The following C17orf113 variants were observed in gnomAD, a reference collection of about 807,000 sequenced individuals.
C17orf113 encodes chromosome 17 open reading frame 113.
In C17orf113, 5 loss-of-function variants were observed where a neutral mutation model predicts 11.6. That is an observed-to-expected ratio of 0.43 (90% CI 0.23 to 0.91). C17orf113 has a LOEUF of 0.91. Among genes scored for constraint, C17orf113 ranks in the 40% least tolerant of loss-of-function variants. C17orf113 has a pLI of 0.26. For missense variants in C17orf113, 714 were observed against 841.3 expected (o/e 0.85, Z 1.87); for synonymous variants, 327 against 390.6 (o/e 0.84, Z 1.92).
At chr17:42,047,029 ATTTTTT>A (rs60694132) in intron 1 of C17orf113, among the ~76,000 whole-genome samples, 5 of 116,578 alleles carry the variant, frequency 4.3e-5, no homozygotes, top group Admixed American at 8.8e-5. Context: ...TGCCCGGCTA[ATTTTTT>A]TTTTTTTTTT....
Position 42,039,530 on chromosome 17 carries a change from C to T in C17orf113, c.*175G>A. Reference sequence around the variant, plus strand: ...CCTCTTGAGCCAGTCCCTTCCTCCACAGCCCACAGGGTGGGGGGGGTTGGT... The same window carrying T: ...CCTCTTGAGCCAGTCCCTTCCTCCATAGCCCACAGGGTGGGGGGGGTTGGT... On this transcript the variant is annotated 3_prime_UTR_variant, in exon 3 of 3. Transcript: ENST00000587304. 1 of 402,520 alleles carries T rather than the reference C, an allele frequency of 2.5e-6. No individual in the cohort carries two copies. The highest frequency in any genetic ancestry group is 3.5e-6 in the Non-Finnish European group (1 of 285,466). The allele number at this position is 402,520 out of a possible 1,614,324, so 24.9% of individuals were successfully genotyped here.
In C17orf113 at chr17:42,042,759, T is replaced by A. The variant is rs1256968474; in HGVS notation, c.543+75A>T. ...CTAGCTGCTCCCCAAGGAGCTGGCA[T>A]GCTGGGGCTGTTCCCAGGTGGCTCA... On this transcript the variant is annotated intron_variant, in intron 2 of 2. Coordinates refer to ENST00000587304, the MANE Select transcript of C17orf113 (RefSeq NM_001358661.2). 6 of 1,122,022 alleles carry A rather than the reference T, an allele frequency of 5.3e-6. No homozygotes were observed. In the African/African-American group the frequency reaches 9.6e-5, roughly 18 times the overall value. The allele number at this position is 1,122,022 out of a possible 1,614,324, so 69.5% of individuals were successfully genotyped here. A position where few individuals can be genotyped will look rare whatever the true frequency, so the allele number is the denominator to read the frequency against.
intron 1 of C17orf113, among the ~76,000 whole-genome samples, chr17:42,045,335 G>A (rs372588540): frequency 6.6e-5 from 10 of 152,256 alleles, no homozygotes; most frequent in East Asian, 1.9e-4. Flanking sequence ...ACAGGCGTGC[G>A]CCACCGCGCC....
intron 1 of C17orf113, among the ~76,000 whole-genome samples, chr17:42,047,663 T>G (rs2053195213): frequency 6.6e-6 from 1 of 151,980 alleles, no homozygotes; most frequent in Non-Finnish European, 1.5e-5. Context: ...TTGGGACTTT[T>G]TTTTTTTCGA....
In C17orf113 at chr17:42,042,875, G is replaced by A; in HGVS notation, c.502C>T (p.His168Tyr). The A allele has an allele frequency of 8.1e-7, 1 of 1,232,292 alleles. No individual in the cohort carries two copies. Among genetic ancestry groups the A allele is most frequent in the South Asian group, 4.1e-5 (1 of 24,324 alleles). The allele number at this position is 1,232,292 out of a possible 1,614,324, so 76.3% of individuals were successfully genotyped here. A position where few individuals can be genotyped will look rare whatever the true frequency, so the allele number is the denominator to read the frequency against. Residue 168 changes from histidine (H) to tyrosine (Y), a missense_variant, in exon 2 of 3, where the codon CAT becomes TAT. Physicochemically the swap from His to Tyr is moderately conservative, Grantham distance 83. Around this residue, in one of 3 missense-constraint regions of C17orf113, gnomAD observed 516 missense variants for 626.6 expected, o/e 0.82. Transcript: ENST00000587304. ...CTCCTGGGACTGTAGTAATCGCCAT[G>A]CTCTGTGCCCAGCAGTGCCTGGCAC... ...NLCQALLGTE[H>Y]GDYYSPRRVR...
intron 1 of C17orf113, among the ~76,000 whole-genome samples, chr17:42,044,194 C>T (rs1160324986): frequency 6.8e-6 from 1 of 147,202 alleles, no homozygotes; most frequent in East Asian, 2.0e-4. Flanking sequence ...ATGTCTAGTC[C>T]CAGCTACTGG....
At chr17:42,042,535 A>G (rs1377836699) in intron 2 of C17orf113, among the ~76,000 whole-genome samples, 2 of 151,968 alleles carry the variant, frequency 1.3e-5, no homozygotes, top group Non-Finnish European at 2.9e-5. Flanking sequence ...AAAAAAAAAA[A>G]TTAAATACAT....
In C17orf113 at chr17:42,040,420, G is replaced by A. The variant is rs2052989480; in HGVS notation, c.1313C>T (p.Ser438Phe). The A allele has an allele frequency of 5.7e-6, 7 of 1,232,108 alleles. No homozygotes were observed. The highest frequency in any genetic ancestry group is 7.1e-6 in the Non-Finnish European group (7 of 987,986). The allele number at this position is 1,232,108 out of a possible 1,614,324, so 76.3% of individuals were successfully genotyped here. ...ACCTGAGCCGCGCTGAGCTTGGAGG[G>A]AGGCCGCAGCCGCCATCACCAGAGG... ...LQPLVMAAAA[S>F]LQAQRGSGGA... The change falls in exon 3 of 3, where the codon TCC becomes TTC. Residue 438 changes from serine to phenylalanine, a missense_variant. Transcript: ENST00000587304.
rs1216510592 is a variant in C17orf113 at position 42,041,185 on chromosome 17, G to T, written c.548C>A (p.Ala183Asp). 1 of 1,232,510 alleles carries T rather than the reference G, an allele frequency of 8.1e-7. No homozygotes were observed. The highest frequency in any genetic ancestry group is 3.2e-5 in the East Asian group (1 of 31,710). 76.3% of individuals were successfully genotyped at this position (1,232,510 alleles called of 1,614,324 possible). A position where few individuals can be genotyped will look rare whatever the true frequency, so the allele number is the denominator to read the frequency against. Residue 183 changes from alanine (A) to aspartate (D), a missense_variant, in exon 3 of 3, where the codon GCC becomes GAC. Physicochemically the swap from Ala to Asp is moderately radical, Grantham distance 126 (BLOSUM62 -2). Around this residue, in one of 3 missense-constraint regions of C17orf113, gnomAD observed 516 missense variants for 626.6 expected, o/e 0.82. Coordinates refer to ENST00000587304, the MANE Select transcript of C17orf113 (RefSeq NM_001358661.2). ...SPRRVRDMQV[A>D]IASVLHTEAC... ...CTCTGTGTGCAAGACACTGGCAATG[G>T]CCACCTGGGACAGCCAGGGAAAGAA...
chr17:42,039,840 G>A lies in C17orf113; in HGVS notation c.1893C>T (p.Ala631=), dbSNP rs1376598288. 8.1e-7 allele frequency: 1 copy of A among 1,231,806 alleles called. No homozygotes were observed. The highest frequency in any genetic ancestry group is 1.0e-6 in the Non-Finnish European group (1 of 987,958). 76.3% of individuals were successfully genotyped at this position (1,231,806 alleles called of 1,614,324 possible). A position where few individuals can be genotyped will look rare whatever the true frequency, so the allele number is the denominator to read the frequency against. Residue 631 remains alanine, a synonymous_variant, in exon 3 of 3, where the codon GCC becomes GCT. Coordinates refer to ENST00000587304, the MANE Select transcript of C17orf113 (RefSeq NM_001358661.2). ...CCATGTGGCCCCCCCGGCCTTCCCCGGCCCCACTCTGCCCCCACCACCGCA... is the reference window on the plus strand; with the variant it reads ...CCATGTGGCCCCCCCGGCCTTCCCCAGCCCCACTCTGCCCCCACCACCGCA... ...RELRWWGQSG[A]GEGRGGHMVK...
In C17orf113 at chr17:42,040,793, C is replaced by T; in HGVS notation, c.940G>A (p.Glu314Lys). 6 of 1,232,348 alleles carry T rather than the reference C, an allele frequency of 4.9e-6. No homozygotes were observed. Among genetic ancestry groups the T allele is most frequent in the Non-Finnish European group, 6.1e-6 (6 of 988,076 alleles). The allele number at this position is 1,232,348 out of a possible 1,614,324, so 76.3% of individuals were successfully genotyped here. A position where few individuals can be genotyped will look rare whatever the true frequency, so the allele number is the denominator to read the frequency against. The change falls in exon 3 of 3, where the codon GAG becomes AAG. Residue 314 changes from glutamate to lysine, a missense_variant. Physicochemically the swap from Glu to Lys is moderately conservative, Grantham distance 56. Coordinates refer to ENST00000587304, the MANE Select transcript of C17orf113 (RefSeq NM_001358661.2). ...CGGAATAGGGCATCCAATATGCTCT[C>T]ATATTGACCCAAGTAGGCCGGGGGC... Reference protein sequence around the residue: ...PEPPAYLGQYESILDALFRLH... With the variant: ...PEPPAYLGQYKSILDALFRLH...
At chr17:42,048,887 A>G (rs2053226113) in intron 1 of C17orf113, among the ~76,000 whole-genome samples, 1 of 151,492 alleles carries the variant, frequency 6.6e-6, no homozygotes, top group Non-Finnish European at 1.5e-5. Context: ...CACTTTAGTG[A>G]GCCGAGATCA....
chr17:42,045,476 C>A (rs549199091), intron 1 of C17orf113, among the ~76,000 whole-genome samples: 3 of 152,202 alleles, frequency 2.0e-5, no homozygotes, highest in East Asian at 1.9e-4. Context: ...AGGGTCAGAC[C>A]CAGATGACTC....
chr17:42,046,824 CTT>C (rs1246915125), intron 1 of C17orf113, among the ~76,000 whole-genome samples: 1 of 149,744 alleles, frequency 6.7e-6, no homozygotes, highest in Non-Finnish European at 1.5e-5. Context: ...TGAAAGAACT[CTT>C]GTTTCTGAGA....
At chr17:42,049,326 G>T (rs2053236833) in intron 1 of C17orf113, among the ~76,000 whole-genome samples, 1 of 152,094 alleles carries the variant, frequency 6.6e-6, no homozygotes, top group Non-Finnish European at 1.5e-5. Flanking sequence ...ACAAATCTCT[G>T]CTTCTATCTG....
Position 42,043,087 on chromosome 17 carries a change from G to T in C17orf113, c.290C>A (p.Pro97His), listed in dbSNP as rs1382348268. The T allele has an allele frequency of 8.1e-7, 1 of 1,232,244 alleles. No homozygotes were observed. Among genetic ancestry groups the T allele is most frequent in the South Asian group, 4.1e-5 (1 of 24,326 alleles). 76.3% of individuals were successfully genotyped at this position (1,232,244 alleles called of 1,614,324 possible). A position where few individuals can be genotyped will look rare whatever the true frequency, so the allele number is the denominator to read the frequency against. Reference protein sequence around the residue: ...QALAVNQGQPPFEGQAEGGGA... With the variant: ...QALAVNQGQPHFEGQAEGGGA... Reference sequence around the variant, plus strand: ...TCCACCTTCAGCCTGGCCCTCAAAAGGGGGCTGGCCCTGGTTGACAGCCAG... The same window carrying T: ...TCCACCTTCAGCCTGGCCCTCAAAATGGGGCTGGCCCTGGTTGACAGCCAG... The change falls in exon 2 of 3, where the codon CCT (proline) becomes CAT (histidine). Residue 97 changes from proline (P) to histidine (H), a missense_variant. Coordinates refer to ENST00000587304, the MANE Select transcript of C17orf113 (RefSeq NM_001358661.2).
chr17:42,042,145 G>A (rs782803535), intron 2 of C17orf113, among the ~76,000 whole-genome samples: 2 of 152,096 alleles, frequency 1.3e-5, no homozygotes, highest in African/African-American at 4.8e-5. Context: ...GCCAAGGCAG[G>A]AGGATTGCTT....
Position 42,038,666 on chromosome 17 carries a change from C to T in C17orf113, c.*1039G>A, listed in dbSNP as rs1166565950. 1 of 151,982 alleles carries T rather than the reference C, an allele frequency of 6.6e-6. No homozygotes were observed. Among genetic ancestry groups the T allele is most frequent in the Non-Finnish European group, 1.5e-5 (1 of 68,080 alleles). The allele number at this position is 151,982 out of a possible 1,614,324, so 9.4% of individuals were successfully genotyped here. Reference sequence around the variant, plus strand: ...TTTTTTCGACCCTGTCATTGCAAAACCAAAAGTAGTCCTTTTAGATGTTTG... The same window carrying T: ...TTTTTTCGACCCTGTCATTGCAAAATCAAAAGTAGTCCTTTTAGATGTTTG... On this transcript the variant is annotated 3_prime_UTR_variant, in exon 3 of 3. Coordinates refer to ENST00000587304, the MANE Select transcript of C17orf113 (RefSeq NM_001358661.2).
chr17:42,047,197 A>T (rs183259091), intron 1 of C17orf113, among the ~76,000 whole-genome samples: 13 of 152,104 alleles, frequency 8.5e-5, no homozygotes, highest in Admixed American at 3.9e-4. Context: ...ATGCCCGGCT[A>T]ATTTTTTTGT....
Sources: gnomAD v4.1 joint callset for allele counts (sites outside exome capture counted in the v4.1 genomes callset) on GRCh38, gnomAD v4.1.1 for gene constraint, gnomAD v4.1.1 regional missense constraint, MANE v1.5 for transcripts, NCBI Gene and HGNC (gene_info 2026-07-23, HGNC 2026-07-21) for gene names.